ZNF185: variants seen among roughly 807,000 people sequenced by gnomAD.
The protein encoded by ZNF185 is zinc finger protein 185.
In ZNF185, 56 loss-of-function variants were observed where a neutral mutation model predicts 58.6. The ratio of observed to expected loss-of-function variants is 0.95; its 90% confidence interval spans 0.77 to 1.19. The LOEUF is 1.19. Ranked by LOEUF, ZNF185 falls within the 50% of genes most tolerant of loss-of-function variation. The pLI is 0.00. For synonymous variants in ZNF185, 230 were observed against 215.9 expected, an observed-to-expected ratio of 1.07 and a Z score of -0.57; for missense variants, 627 against 573.5, an observed-to-expected ratio of 1.09 and a Z score of -0.95.
chrX:152,967,106 A>G, intron 19 of ZNF185, 61 bp from the exon 22 acceptor site: 1 of 1,069,586 alleles, frequency 9.3e-7, no homozygotes, highest in Non-Finnish European at 1.3e-6. Context: ...TTAGAAAATT[A>G]ACTATGATAG....
chrX:152,929,403 G>A (rs186398668), intron 12 of ZNF185, among the ~76,000 whole-genome samples: 5 of 111,214 alleles, frequency 4.5e-5, no homozygotes, highest in African/African-American at 1.6e-4. Context: ...GGGGAGAGAA[G>A]CGGGAGTGTA....
Position 152,963,950 on chromosome X carries a change from G to A in ZNF185, c.1718+1G>A. Reference sequence around the variant, plus strand: ...GTGAATTGGACTCCAGCTCTACCACGTAAGAAGGGCTATCTAGCAACCTGG... The same window carrying A: ...GTGAATTGGACTCCAGCTCTACCACATAAGAAGGGCTATCTAGCAACCTGG... On this transcript the variant is annotated splice_donor_variant, in intron 18 of 22. Coordinates refer to ENST00000449285, the Ensembl canonical transcript of ZNF185. LOFTEE classifies it high-confidence loss of function. 3.3e-6 allele frequency: 4 copies of A among 1,206,204 alleles called. No individual in the cohort carries two copies. Among genetic ancestry groups the A allele is most frequent in the South Asian group, 1.8e-5 (1 of 56,761 alleles).
At chrX:152,911,773 T>C (rs781998513), upstream of ZNF185, among the ~76,000 whole-genome samples, 2 of 35,695 alleles carry the variant, frequency 5.6e-5, no homozygotes, top group Non-Finnish European at 5.0e-5. Context: ...CCCATCCATC[T>C]CATCCCATCC....
chrX:152,972,657 G>C (rs1469443699), exon 23 of ZNF185: 1 of 111,387 alleles, frequency 9.0e-6, no homozygotes, highest in Non-Finnish European at 1.9e-5. Flanking sequence ...TTCCTGTCTA[G>C]ACTCTGCCTT....
chrX:152,962,814 G>A (rs1351649151), intron 17 of ZNF185, among the ~76,000 whole-genome samples: 2 of 112,601 alleles, frequency 1.8e-5, no homozygotes, highest in Admixed American at 9.3e-5. Flanking sequence ...TGAGTGGCAC[G>A]TGATACAGTT....
the ZNF185 span, among the ~76,000 whole-genome samples, chrX:152,899,016 G>A: frequency 6.8e-4 from 76 of 112,124 alleles, no homozygotes; most frequent in African/African-American, 2.3e-3. Context: ...TCCCACCCAG[G>A]GCTGCTGGGG....
intron 15 of ZNF185, among the ~76,000 whole-genome samples, chrX:152,940,098 G>C (rs1234761524): frequency 2.7e-5 from 3 of 111,097 alleles, no homozygotes; most frequent in African/African-American, 9.8e-5. Flanking sequence ...AAACTTTCTT[G>C]ATTACAGTGT....
chrX:152,972,742 C>T (rs782136187), exon 23 of ZNF185: 3 of 111,557 alleles, frequency 2.7e-5, no homozygotes, highest in African/African-American at 9.8e-5. Flanking sequence ...AGATGTAAGC[C>T]TGTCCATGCA....
chrX:152,923,205 A>C (rs782025077), intron 11 of ZNF185, among the ~76,000 whole-genome samples: 97 of 111,819 alleles, frequency 8.7e-4, no homozygotes, highest in South Asian at 8.6e-3. Context: ...AGAAGGGGAG[A>C]GGGCCTGTCC....
chrX:152,899,456 G>A, the ZNF185 span, among the ~76,000 whole-genome samples: 42 of 112,886 alleles, frequency 3.7e-4, 1 homozygote, highest in Non-Finnish European at 1.9e-5. Context: ...TCCCCTCATC[G>A]CTCCCAGGCC....
chrX:152,942,721 A>G (rs1465480589), intron 15 of ZNF185, among the ~76,000 whole-genome samples: 1 of 111,266 alleles, frequency 9.0e-6, no homozygotes, highest in African/African-American at 3.3e-5. Flanking sequence ...TCTCGTTTAT[A>G]TTTTTTCTGC....
chrX:152,919,718 C>T (rs1939321986), intron 7 of ZNF185, among the ~76,000 whole-genome samples: 1 of 112,483 alleles, frequency 8.9e-6, no homozygotes, highest in South Asian at 3.6e-4. Flanking sequence ...TGGCTTGGGG[C>T]CTGTACAGCA....
chrX:152,921,621 A>T (rs1272824925), intron 9 of ZNF185, among the ~76,000 whole-genome samples: 1 of 111,406 alleles, frequency 9.0e-6, no homozygotes, highest in East Asian at 2.8e-4. Flanking sequence ...TCAGAAAGGG[A>T]TTCTCTCCCG....
chrX:152,922,465 G>C (rs782635926), intron 10 of ZNF185, among the ~76,000 whole-genome samples: 3 of 111,724 alleles, frequency 2.7e-5, no homozygotes, highest in Non-Finnish European at 5.7e-5. Context: ...CCAGCCCCCC[G>C]GGAGAGAGCA....
intron 16 of ZNF185, among the ~76,000 whole-genome samples, chrX:152,955,916 A>T (rs781819588): frequency 6.2e-4 from 68 of 109,868 alleles, no homozygotes; most frequent in Non-Finnish European, 9.4e-4. Flanking sequence ...AAAAAAAAAA[A>T]ATATTTCCCC....
chrX:152,901,238 C>CTTTTT, the ZNF185 span, among the ~76,000 whole-genome samples: 1 of 96,450 alleles, frequency 1.0e-5, no homozygotes, highest in African/African-American at 3.9e-5. Flanking sequence ...TTTGTTTTCA[C>CTTTTT]TTTTTTTTTT....
chrX:152,960,054 AG>A, intron 17 of ZNF185, 158 bp downstream of exon 19: 1 of 472,954 alleles, frequency 2.1e-6, no homozygotes, highest in Non-Finnish European at 3.4e-6. Context: ...CCAGCATCTC[AG>A]GGGTAGATAT....
exon 23 of ZNF185, chrX:152,973,103 C>T (rs980629457): frequency 9.0e-6 from 1 of 111,668 alleles, no homozygotes; most frequent in Non-Finnish European, 1.9e-5. Flanking sequence ...CACACAGGCA[C>T]TCAATGAATG....
chrX:152,958,350 G>T (rs1168027824), intron 16 of ZNF185, among the ~76,000 whole-genome samples: 1 of 111,529 alleles, frequency 9.0e-6, no homozygotes, highest in Non-Finnish European at 1.9e-5. Flanking sequence ...CGCTAAAAGT[G>T]TATGTAGCAG....
Sources: gnomAD v4.1 joint callset for allele counts (sites outside exome capture counted in the v4.1 genomes callset) on GRCh38, gnomAD v4.1.1 for gene constraint, MANE v1.5 for transcripts, NCBI Gene and HGNC (gene_info 2026-07-23, HGNC 2026-07-21) for gene names.